Variants in AGPAT3 observed in about 807,000 individuals in gnomAD.
AGPAT3 encodes the protein 1-acylglycerol-3-phosphate O-acyltransferase 3.
Under a neutral mutation model 47.3 loss-of-function variants are expected in AGPAT3, and 5 were observed. The observed-to-expected ratio is 0.11, with a 90% confidence interval of 0.06 to 0.22. AGPAT3 has a LOEUF of 0.22. AGPAT3 is among the 10% of genes least tolerant of loss of function. The pLI is 1.00. For synonymous variants in AGPAT3, 212 were observed against 208.3 expected, an observed-to-expected ratio of 1.02 and a Z score of -0.15; for missense variants, 315 against 493.0, an observed-to-expected ratio of 0.64 and a Z score of 3.42.
At chr21:43,941,263 G>T (rs936726258) in intron 2 of AGPAT3, among the ~76,000 whole-genome samples, 1 of 152,180 alleles carries the variant, frequency 6.6e-6, no homozygotes, top group Non-Finnish European at 1.5e-5. Flanking sequence ...GCTTCTCTCT[G>T]ATCTGGAAGC....
intron 1 of AGPAT3, among the ~76,000 whole-genome samples, chr21:43,901,981 A>G (rs1447302531): frequency 6.6e-6 from 1 of 152,198 alleles, no homozygotes; most frequent in Non-Finnish European, 1.5e-5. Context: ...ATTTCCAGAA[A>G]AGAGGCGTGT....
At chr21:43,916,785 GC>G (rs781476395) in intron 2 of AGPAT3, among the ~76,000 whole-genome samples, 12 of 152,128 alleles carry the variant, frequency 7.9e-5, no homozygotes, top group Non-Finnish European at 1.2e-4. Context: ...TAAAATACAT[GC>G]ACGTTCGCAC....
intron 2 of AGPAT3, among the ~76,000 whole-genome samples, chr21:43,917,195 C>T (rs915021377): frequency 1.3e-5 from 2 of 151,016 alleles, no homozygotes; most frequent in Non-Finnish European, 3.0e-5. Context: ...ACACACGTAC[C>T]GCTGTCAGCC....
chr21:43,968,092 T>C lies in AGPAT3; in HGVS notation c.325T>C (p.Cys109Arg). The change falls in exon 4 of 10, where the codon TGT becomes CGT. Residue 109 changes from cysteine to arginine, a missense_variant. Cys to Arg is a radical substitution (Grantham distance 180). Coordinates refer to ENST00000291572, the MANE Select transcript of AGPAT3 (RefSeq NM_020132.5). ...CGACTTCCTCTGTGGGTGGACCATG[T>C]GTGAGCGCTTCGGAGTGCTGGGGGT... is the stretch of plus-strand genomic sequence containing the variant. ...EIDFLCGWTM[C>R]ERFGVLGSSK... The C allele has an allele frequency of 6.2e-7, 1 of 1,613,234 alleles. No homozygotes were observed. The highest frequency in any genetic ancestry group is 8.5e-7 in the Non-Finnish European group (1 of 1,179,834).
At chr21:43,951,829 G>C (rs2088207978) in intron 2 of AGPAT3, among the ~76,000 whole-genome samples, 1 of 152,192 alleles carries the variant, frequency 6.6e-6, no homozygotes, top group South Asian at 2.1e-4. Context: ...GGGCCTGGTG[G>C]GCCTGGCAGC....
chr21:43,884,255 C>T (rs1219222193), intron 1 of AGPAT3, among the ~76,000 whole-genome samples: 1 of 145,594 alleles, frequency 6.9e-6, no homozygotes, highest in East Asian at 2.1e-4. Context: ...CTTCCCCCTC[C>T]TTCCCCCTCC....
chr21:43,967,764 A>C (rs2089201971), intron 3 of AGPAT3, 182 bp from the exon 4 acceptor site: 2 of 620,002 alleles, frequency 3.2e-6, no homozygotes, highest in Non-Finnish European at 5.5e-6. Flanking sequence ...TCTCCTCCCA[A>C]CTGTTGCTTA....
intron 7 of AGPAT3, among the ~76,000 whole-genome samples, chr21:43,975,960 G>T (rs562429459): frequency 8.6e-5 from 13 of 151,136 alleles, no homozygotes; most frequent in Non-Finnish European, 1.6e-4. Context: ...ACTTGTGGGA[G>T]GCAGGGATGT....
chr21:43,945,598 C>G (rs1055479909), intron 2 of AGPAT3, among the ~76,000 whole-genome samples: 1 of 152,088 alleles, frequency 6.6e-6, no homozygotes, highest in African/African-American at 2.4e-5. Flanking sequence ...CAGAGAGCCC[C>G]CTTTCCAGGC....
intron 2 of AGPAT3, among the ~76,000 whole-genome samples, chr21:43,916,716 A>G (rs1243616977): frequency 6.6e-6 from 1 of 152,108 alleles, no homozygotes; most frequent in Admixed American, 6.5e-5. Flanking sequence ...ATCGGTAGAT[A>G]TGATTGGTGT....
chr21:43,866,950 C>T (rs2085520703), intron 1 of AGPAT3, among the ~76,000 whole-genome samples: 1 of 152,220 alleles, frequency 6.6e-6, no homozygotes, highest in Non-Finnish European at 1.5e-5. Flanking sequence ...AACAGGCCTT[C>T]CTGGAGGGAG....
rs146119233 is a variant in AGPAT3, at chr21:43,926,576, G to A, written c.-49+22557G>A. ...CGCGTTCCTGGGTTTCCATGCTGCG[G>A]CATTTAAGAAAAGAGCTCTGTGTCG... On this transcript the variant is annotated intron_variant, in intron 2 of 9. Coordinates refer to ENST00000291572, the MANE Select transcript of AGPAT3 (RefSeq NM_020132.5). 3.6e-4 allele frequency among the ~76,000 whole-genome samples: 55 copies of A among 151,754 alleles called. No homozygotes were observed. In the East Asian group the frequency reaches 6.4e-3, roughly 18 times the overall value.
chr21:43,979,307 A>AAAAAAAAAAAAGAAAG (rs2089749462), intron 8 of AGPAT3, among the ~76,000 whole-genome samples: 1 of 147,096 alleles, frequency 6.8e-6, no homozygotes, highest in Non-Finnish European at 1.5e-5. Context: ...TCAAAAAAAA[A>AAAAAAAAAAAAGAAAG]AAAAAAAAAG....
chr21:43,910,247 C>T (rs544341138), intron 2 of AGPAT3, among the ~76,000 whole-genome samples: 94 of 152,304 alleles, frequency 6.2e-4, no homozygotes, highest in South Asian at 1.4e-3. Context: ...AGGTTTGTGC[C>T]AGGCTGGTCC....
At chr21:43,971,145 A>G (rs1286380696) in intron 6 of AGPAT3, among the ~76,000 whole-genome samples, 1 of 152,250 alleles carries the variant, frequency 6.6e-6, no homozygotes, top group Admixed American at 6.5e-5. Context: ...TCACACTCAC[A>G]GCGTCAGTAC....
In AGPAT3 at chr21:43,970,962, G is replaced by A. The variant is rs1338426219; in HGVS notation, c.664+156G>A. ...AGGGGGTCGGCGCCGCAAGGTTCCC[G>A]CGTCAGGTTTTGAGGTGATAAAATG... is the stretch of plus-strand genomic sequence containing the variant. On this transcript the variant is annotated intron_variant, in intron 6 of 9. Transcript: ENST00000291572. The surrounding 1 kb of genome is among the most constrained non-coding windows in gnomAD (Gnocchi z 5.8). Among the ~76,000 whole-genome samples the A allele has an allele frequency of 3.3e-5, 5 of 152,062 alleles. No homozygotes were observed. The highest frequency in any genetic ancestry group is 2.1e-4 in the South Asian group (1 of 4,834).
intron 1 of AGPAT3, among the ~76,000 whole-genome samples, chr21:43,872,803 C>G (rs1008701205): frequency 6.6e-6 from 1 of 152,204 alleles, no homozygotes; most frequent in Non-Finnish European, 1.5e-5. Flanking sequence ...TGCTGCCTTC[C>G]GGTGTGGGTA....
intron 1 of AGPAT3, among the ~76,000 whole-genome samples, chr21:43,874,588 A>G (rs1008779388): frequency 6.6e-6 from 1 of 152,174 alleles, no homozygotes; most frequent in African/African-American, 2.4e-5. Flanking sequence ...ATTGAATTCT[A>G]TTATGTATCT....
chr21:43,895,282 T>C (rs2086190153), intron 1 of AGPAT3, among the ~76,000 whole-genome samples: 1 of 151,700 alleles, frequency 6.6e-6, no homozygotes, highest in South Asian at 2.1e-4. Flanking sequence ...TTTTTTTGTA[T>C]TTTTTTATTA....
Sources: gnomAD v4.1 joint callset for allele counts (sites outside exome capture counted in the v4.1 genomes callset) on GRCh38, gnomAD v4.1.1 for gene constraint, Gnocchi (gnomAD v3.1) non-coding constraint, MANE v1.5 for transcripts, NCBI Gene and HGNC (gene_info 2026-07-23, HGNC 2026-07-21) for gene names.